The following RBFOX1 variants were observed in gnomAD, a reference collection of about 807,000 sequenced individuals.
The protein encoded by RBFOX1 is RNA binding protein fox-1 homolog 1.
RBFOX1 carries 8 observed loss-of-function variants against 57.7 expected under a neutral mutation model. That is an observed-to-expected ratio of 0.14 (90% CI 0.08 to 0.25). RBFOX1 has a LOEUF of 0.25. Ranked by LOEUF, RBFOX1 falls within the 10% of genes least tolerant of loss-of-function variation. RBFOX1 has a pLI of 1.00. For missense variants in RBFOX1, 611 were observed against 548.5 expected (o/e 1.11, Z -1.14); for synonymous variants, 326 against 222.4 (o/e 1.47, Z -4.15).
chr16:6,456,007 G>T, intron 2 of RBFOX1, among the ~76,000 whole-genome samples: 1 of 147,752 alleles, frequency 6.8e-6, no homozygotes, highest in East Asian at 2.0e-4. Flanking sequence ...TATATCTAAG[G>T]ATTCTGATAA....
chr16:7,289,004 G>C (rs544082535), intron 4 of RBFOX1, among the ~76,000 whole-genome samples: 40 of 152,250 alleles, frequency 2.6e-4, no homozygotes, highest in African/African-American at 9.1e-4. Flanking sequence ...TGATATTAGA[G>C]GAAGTATGGG....
chr16:7,675,501 T>G (rs1286459436), intron 13 of RBFOX1, among the ~76,000 whole-genome samples: 1 of 152,184 alleles, frequency 6.6e-6, no homozygotes. Flanking sequence ...AGAATAAACT[T>G]TAAAAGATAA....
chr16:6,551,757 G>A (rs548588932), intron 2 of RBFOX1, among the ~76,000 whole-genome samples: 19 of 152,236 alleles, frequency 1.2e-4, no homozygotes, highest in Admixed American at 1.1e-3. Flanking sequence ...AGCAGTTGTG[G>A]ACAGCTGAGA....
intron 2 of RBFOX1, among the ~76,000 whole-genome samples, chr16:6,414,330 C>T (rs888598893): frequency 6.6e-6 from 1 of 152,188 alleles, no homozygotes; most frequent in Non-Finnish European, 1.5e-5. Context: ...CAGTCCTCTT[C>T]TCTGGGATTA....
chr16:6,391,742 A>G (rs2092612751), intron 2 of RBFOX1, among the ~76,000 whole-genome samples: 1 of 152,110 alleles, frequency 6.6e-6, no homozygotes, highest in South Asian at 2.1e-4. Context: ...GACCAGATGG[A>G]TGGGCAGGGA....
intron 3 of RBFOX1, among the ~76,000 whole-genome samples, chr16:6,988,731 A>ATTTTTTTTT (rs111959126): frequency 3.3e-4 from 30 of 91,280 alleles, no homozygotes; most frequent in African/African-American, 1.1e-3. Flanking sequence ...CACCCAGCTA[A>ATTTTTTTTT]TTTTTTTTTT....
chr16:7,335,725 G>A (rs1170758903), intron 4 of RBFOX1, among the ~76,000 whole-genome samples: 1 of 152,058 alleles, frequency 6.6e-6, no homozygotes, highest in Non-Finnish European at 1.5e-5. Context: ...ACTCATACAG[G>A]ATCTTTTATT....
At chr16:5,517,263 C>A (rs1044213369) in intron 2 of RBFOX1, among the ~76,000 whole-genome samples, 1 of 152,160 alleles carries the variant, frequency 6.6e-6, no homozygotes, top group South Asian at 2.1e-4. Flanking sequence ...GGGAAATCAG[C>A]AGAATTGCGC....
intron 1 of RBFOX1, among the ~76,000 whole-genome samples, chr16:6,186,215 C>T (rs1045250228): frequency 6.6e-6 from 1 of 152,136 alleles, no homozygotes; most frequent in African/African-American, 2.4e-5. Flanking sequence ...TCGTCATCAT[C>T]AGTCTAAAAC....
chr16:5,395,992 C>G (rs59255711), intron 1 of RBFOX1, among the ~76,000 whole-genome samples: 1 of 152,204 alleles, frequency 6.6e-6, no homozygotes, highest in Non-Finnish European at 1.5e-5. Context: ...AACAGCCCCA[C>G]TGTTGCCTGA....
intron 4 of RBFOX1, among the ~76,000 whole-genome samples, chr16:7,125,148 G>A (rs1374210589): frequency 2.6e-5 from 4 of 152,174 alleles, no homozygotes; most frequent in African/African-American, 9.7e-5. Context: ...GAAGAAAGAG[G>A]TAACACTGCA....
intron 1 of RBFOX1, among the ~76,000 whole-genome samples, chr16:6,127,777 G>C (rs1479820157): frequency 6.6e-6 from 1 of 152,162 alleles, no homozygotes; most frequent in Non-Finnish European, 1.5e-5. Context: ...TCTCAGTTGA[G>C]TGACATTGAC....
At chr16:6,751,672 G>A (rs895458213) in intron 3 of RBFOX1, among the ~76,000 whole-genome samples, 1 of 152,124 alleles carries the variant, frequency 6.6e-6, no homozygotes, top group Non-Finnish European at 1.5e-5. Context: ...TCTTGAGTCC[G>A]TTGGTTATCA....
chr16:6,490,447 C>A (rs575824751), intron 2 of RBFOX1, among the ~76,000 whole-genome samples: 1 of 152,118 alleles, frequency 6.6e-6, no homozygotes, highest in Non-Finnish European at 1.5e-5. Flanking sequence ...TACAAGCCAC[C>A]GTGGTGGGAA....
At chr16:5,597,208 C>G (rs1036103241) in intron 2 of RBFOX1, among the ~76,000 whole-genome samples, 3 of 151,256 alleles carry the variant, frequency 2.0e-5, no homozygotes, top group Non-Finnish European at 4.4e-5. Context: ...ATCTTTGTCT[C>G]TCTCTCTTTT....
chr16:7,588,727 T>A (rs1339407669), intron 7 of RBFOX1, among the ~76,000 whole-genome samples: 1 of 152,204 alleles, frequency 6.6e-6, no homozygotes, highest in Non-Finnish European at 1.5e-5. Flanking sequence ...TTGCCAGCTC[T>A]TTTGGATGTG....
intron 5 of RBFOX1, among the ~76,000 whole-genome samples, chr16:7,560,564 G>T (rs996185931): frequency 1.3e-5 from 2 of 150,028 alleles, no homozygotes; most frequent in Admixed American, 6.6e-5. Context: ...TTGTTTTTTG[G>T]AACAGCCAAA....
At chr16:5,903,560 G>T (rs1295455675) in intron 4 of RBFOX1, among the ~76,000 whole-genome samples, 1 of 152,152 alleles carries the variant, frequency 6.6e-6, no homozygotes, top group Non-Finnish European at 1.5e-5. Context: ...ACAGGCAGGG[G>T]CCAGCCAGAC....
At chr16:6,263,223 G>A (rs1360771460) in intron 1 of RBFOX1, among the ~76,000 whole-genome samples, 3 of 152,162 alleles carry the variant, frequency 2.0e-5, no homozygotes, top group African/African-American at 7.2e-5. Context: ...GCTTCCCCAG[G>A]AATTTTGTTT....
Sources: allele counts gnomAD v4.1 joint callset (sites outside exome capture counted in the v4.1 genomes callset), GRCh38; gene constraint gnomAD v4.1.1; transcripts MANE v1.5; gene names NCBI Gene and HGNC (gene_info 2026-07-23, HGNC 2026-07-21).